The following CLEC16A variants were observed in gnomAD, a reference collection of about 807,000 sequenced individuals.
The protein encoded by CLEC16A is C-type lectin domain containing 16A, also known as protein CLEC16A.
CLEC16A carries 51 observed loss-of-function variants against 109.5 expected under a neutral mutation model. The ratio of observed to expected loss-of-function variants is 0.47; its 90% CI spans 0.37 to 0.59. The LOEUF is 0.59. Ranked by LOEUF, CLEC16A falls within the 20% of genes least tolerant of loss-of-function variation. The probability of loss-of-function intolerance (pLI) is 0.00; values close to 1 mark genes in which losing one functional copy is unlikely to be tolerated. For missense variants in CLEC16A, 1,339 were observed against 1,394.0 expected (o/e 0.96, Z 0.63); for synonymous variants, 673 against 564.2 (o/e 1.19, Z -2.73).
chr16:11,144,138 C>T (rs1019823727), intron 22 of CLEC16A, among the ~76,000 whole-genome samples: 1 of 152,190 alleles, frequency 6.6e-6, no homozygotes, highest in Non-Finnish European at 1.5e-5. Flanking sequence ...CTGGTCATCT[C>T]CCAAGCTACC....
At chr16:11,030,977 C>G (rs2046710178) in intron 13 of CLEC16A, among the ~76,000 whole-genome samples, 1 of 152,212 alleles carries the variant, frequency 6.6e-6, no homozygotes, top group South Asian at 2.1e-4. Flanking sequence ...AAGTCTGTGG[C>G]ATGTCTTTTC....
At position 10,982,802 on chromosome 16, in the gene CLEC16A, G is replaced by A. The variant is rs755982155; in HGVS notation, c.958-76G>A. On this transcript the variant is annotated intron_variant, in intron 9 of 23. Coordinates refer to ENST00000409790, the MANE Select transcript of CLEC16A (RefSeq NM_015226.3). ...AGGACTTAGGTAGCCCAGCCTGGTC[G>A]CTTCTGATCCAGGAAGCAAGAGGTT... 3.1e-5 allele frequency: 25 copies of A among 819,324 alleles called. 1 individual carries two copies. The highest frequency in any genetic ancestry group is 5.9e-5 in the South Asian group (4 of 67,412). The allele number at this position is 819,324 out of a possible 1,614,324, so 50.8% of individuals were successfully genotyped here.
At chr16:11,001,867 G>A (rs1043186856) in intron 10 of CLEC16A, among the ~76,000 whole-genome samples, 4 of 152,126 alleles carry the variant, frequency 2.6e-5, no homozygotes, top group African/African-American at 9.7e-5. Flanking sequence ...TTGACTTATT[G>A]CTGATACTTA....
Position 11,125,971 on chromosome 16 carries a change from G to C in CLEC16A, c.2474-8G>C. ...CTCAGAGTGAACCATGCTATTGTTT[G>C]ACCGTAGCCCTCCTGGACCTCCCAA... On this transcript the variant is annotated splice_polypyrimidine_tract_variant and splice_region_variant and intron_variant, in intron 21 of 23. Transcript: ENST00000409790. 6.3e-7 allele frequency: 1 copy of C among 1,588,820 alleles called. No homozygotes were observed. The highest frequency in any genetic ancestry group is 8.5e-7 in the Non-Finnish European group (1 of 1,172,238).
intron 19 of CLEC16A, among the ~76,000 whole-genome samples, chr16:11,103,171 G>T (rs190216597): frequency 9.7e-4 from 148 of 152,348 alleles, no homozygotes; most frequent in African/African-American, 3.5e-3. Flanking sequence ...GGCCCACAAG[G>T]GTCAGATCCA....
intron 22 of CLEC16A, among the ~76,000 whole-genome samples, chr16:11,131,956 C>G (rs2053235772): frequency 6.6e-6 from 1 of 152,366 alleles, no homozygotes; most frequent in South Asian, 2.1e-4. Context: ...CTGGAGCCCT[C>G]TGCATGGCTG....
intron 22 of CLEC16A, among the ~76,000 whole-genome samples, chr16:11,145,537 T>C (rs1046003327): frequency 6.6e-6 from 1 of 152,264 alleles, no homozygotes; most frequent in African/African-American, 2.4e-5. Flanking sequence ...GTAACTTCTT[T>C]AAGCAGCAGA....
chr16:10,958,815 G>A (rs558005706), intron 2 of CLEC16A, among the ~76,000 whole-genome samples: 2 of 152,192 alleles, frequency 1.3e-5, no homozygotes, highest in East Asian at 1.9e-4. Context: ...GAGGTGGGAG[G>A]ATTGCCTGAG....
rs2050613448 is a variant in CLEC16A at position 11,096,403 on chromosome 16, G to A, written c.2117-24212G>A. On this transcript the variant is annotated intron_variant, in intron 19 of 23. Transcript: ENST00000409790. ...CCACCCTCCTCATCCCACTTCCCTG[G>A]ATAACCACAGTCACAGTGGGTATGT... Among the ~76,000 whole-genome samples the A allele has an allele frequency of 4.6e-5, 7 of 152,134 alleles. No individual in the cohort carries two copies. In the South Asian group the frequency reaches 1.5e-3, roughly 32 times the overall value.
At chr16:11,139,076 G>A (rs1289328732) in intron 22 of CLEC16A, among the ~76,000 whole-genome samples, 1 of 151,510 alleles carries the variant, frequency 6.6e-6, no homozygotes. Flanking sequence ...TGTGCATTTA[G>A]CTAGCAAGGG....
chr16:10,985,967 A>G (rs1423235149), intron 10 of CLEC16A, among the ~76,000 whole-genome samples: 2 of 146,090 alleles, frequency 1.4e-5, no homozygotes, highest in Non-Finnish European at 1.5e-5. Context: ...TGGCCTCCCA[A>G]AGTGTTGGGA....
At position 11,120,702 on chromosome 16, in the gene CLEC16A, G is replaced by C; in HGVS notation, c.2204G>C (p.Ser735Thr). ...CTGGCTGTGGATATTTACCAGATGA[G>C]TTTGGTGGAGCCTGATGTGTCCAGG... is the stretch of plus-strand genomic sequence containing the variant. ...RFLAVDIYQM[S>T]LVEPDVSRLG... Residue 735 changes from serine to threonine, a missense_variant, in exon 20 of 24, where the codon AGT (serine) becomes ACT (threonine). By Grantham distance (58) the Ser-to-Thr change is moderately conservative. Transcript: ENST00000409790. 6.2e-7 allele frequency: 1 copy of C among 1,609,550 alleles called. No individual in the cohort carries two copies. The highest frequency in any genetic ancestry group is 8.5e-7 in the Non-Finnish European group (1 of 1,177,928).
intron 22 of CLEC16A, among the ~76,000 whole-genome samples, chr16:11,132,953 T>C (rs80149837): frequency 0.042 from 6,360 of 152,258 alleles, 436 homozygotes; most frequent in African/African-American, 0.15. Context: ...TTCTGTCTTA[T>C]TCAGGTCTGG....
At chr16:11,042,558 C>T (rs936930328) in intron 15 of CLEC16A, among the ~76,000 whole-genome samples, 195 bp downstream of exon 15, 4 of 152,192 alleles carry the variant, frequency 2.6e-5, no homozygotes, top group East Asian at 3.9e-4. Flanking sequence ...AGCCGAGACT[C>T]GCTGAAGAGT....
At chr16:11,130,653 GC>G (rs1426182977) in intron 22 of CLEC16A, among the ~76,000 whole-genome samples, 1 of 152,168 alleles carries the variant, frequency 6.6e-6, no homozygotes, top group Non-Finnish European at 1.5e-5. Context: ...TGTCACCATT[GC>G]CATCAAGGGC....
At chr16:10,994,429 A>T (rs1596951041) in intron 10 of CLEC16A, among the ~76,000 whole-genome samples, 1 of 152,220 alleles carries the variant, frequency 6.6e-6, no homozygotes, top group African/African-American at 2.4e-5. Context: ...GGATGAGAAC[A>T]GGTTCACTCT....
chr16:10,990,512 G>A (rs886729540), intron 10 of CLEC16A, among the ~76,000 whole-genome samples: 12 of 152,236 alleles, frequency 7.9e-5, no homozygotes, highest in South Asian at 2.1e-4. Flanking sequence ...CCAAAGGCCC[G>A]GGGTTTTGGC....
chr16:11,061,488 G>T (rs934703786), intron 19 of CLEC16A, among the ~76,000 whole-genome samples: 6 of 152,210 alleles, frequency 3.9e-5, no homozygotes, highest in African/African-American at 1.4e-4. Context: ...CACGTGCTCA[G>T]CCCATAACCT....
chr16:10,984,927 C>T (rs959914817), intron 10 of CLEC16A, among the ~76,000 whole-genome samples: 1 of 152,140 alleles, frequency 6.6e-6, no homozygotes, highest in Non-Finnish European at 1.5e-5. Context: ...GCCCGCTGGG[C>T]ACGGTGGCTC....
Sources: gnomAD v4.1 joint callset for allele counts (sites outside exome capture counted in the v4.1 genomes callset) on GRCh38, gnomAD v4.1.1 for gene constraint, MANE v1.5 for transcripts, NCBI Gene and HGNC (gene_info 2026-07-23, HGNC 2026-07-21) for gene names.